PHLDA1: variants seen among roughly 807,000 people sequenced by gnomAD.
PHLDA1 encodes pleckstrin homology like domain family A member 1.
Under a neutral mutation model 33.8 loss-of-function variants are expected in PHLDA1, and 28 were observed. The ratio of observed to expected loss-of-function variants is 0.83; its 90% CI spans 0.61 to 1.14. The LOEUF is 1.14. Among genes scored for constraint, PHLDA1 ranks in the 50% most tolerant of loss-of-function variants. The pLI, the probability that PHLDA1 is intolerant of heterozygous loss-of-function variation, is 0.00. For synonymous variants in PHLDA1, 271 were observed against 243.6 expected, an observed-to-expected ratio of 1.11 and a Z score of -1.05; for missense variants, 595 against 548.6, an observed-to-expected ratio of 1.08 and a Z score of -0.84.
exon 2 of PHLDA1, chr12:76,029,705 TACTACGGATTAGGTTTTTGAA>T (rs1468294604): frequency 6.6e-6 from 1 of 152,646 alleles, no homozygotes; most frequent in Non-Finnish European, 1.5e-5. Context: ...GATTAGGAAT[TACTACGGATTAGGTTTTTGAA>T]AATAAAGTTT....
exon 2 of PHLDA1, chr12:76,029,119 A>C (rs1413891433): frequency 6.6e-6 from 1 of 152,234 alleles, no homozygotes; most frequent in Non-Finnish European, 1.5e-5. Context: ...AAGTAAAGGG[A>C]TCAGAAAATG....
exon 1 of PHLDA1, chr12:76,030,569 G>A (rs200454140): frequency 2.7e-5 from 43 of 1,613,958 alleles, no homozygotes; most frequent in Non-Finnish European, 2.6e-5. Context: ...GGAGAAGCCG[G>A]TGCCCGTGCG....
exon 2 of PHLDA1, chr12:76,027,530 G>C (rs994738974): frequency 2.0e-5 from 3 of 152,180 alleles, no homozygotes; most frequent in Non-Finnish European, 4.4e-5. Flanking sequence ...GGGAGGCCAA[G>C]GCAGGTGGAT....
chr12:76,030,165 G>A (rs1275751940), intron 1 of PHLDA1, 73 bp from the exon 2 acceptor site: 5 of 315,288 alleles, frequency 1.6e-5, no homozygotes, highest in Non-Finnish European at 3.0e-5. Context: ...GGGCCAGTCC[G>A]CCTGACAAAG....
At chr12:76,030,849 T>G (rs1234624732) in exon 1 of PHLDA1, 3 of 1,600,792 alleles carry the variant, frequency 1.9e-6, no homozygotes, top group Non-Finnish European at 2.6e-6. Context: ...GTGCTGCTGC[T>G]TCTGCCGCGT....
chr12:76,030,673 G>A, exon 1 of PHLDA1: 1 of 1,203,932 alleles, frequency 8.3e-7, no homozygotes, highest in Admixed American at 1.9e-5. Context: ...GAGTGTGGAT[G>A]TGGATGTGGA....
chr12:76,027,616 G>C (rs756031543), exon 2 of PHLDA1: 2 of 152,076 alleles, frequency 1.3e-5, no homozygotes, highest in Non-Finnish European at 2.9e-5. Context: ...ACAAAAATCA[G>C]CCGGGCGTGG....
At chr12:76,028,910 T>C (rs910661706) in exon 2 of PHLDA1, 2 of 152,632 alleles carry the variant, frequency 1.3e-5, no homozygotes, top group Admixed American at 6.5e-5. Context: ...AGTCTTTTCC[T>C]TTTCAATTTC....
At chr12:76,026,290 G>A (rs1345162611) in exon 2 of PHLDA1, 1 of 152,176 alleles carries the variant, frequency 6.6e-6, no homozygotes. Flanking sequence ...AATTGCTCCA[G>A]GTTCAAGTCT....
chr12:76,030,164 C>T (rs902722493), intron 1 of PHLDA1, 72 bp from the exon 2 acceptor site: 3 of 318,792 alleles, frequency 9.4e-6, no homozygotes, highest in Non-Finnish European at 1.2e-5. Flanking sequence ...CGGGCCAGTC[C>T]GCCTGACAAA....
exon 2 of PHLDA1, chr12:76,027,841 A>G (rs1432190027): frequency 6.6e-6 from 1 of 152,048 alleles, no homozygotes; most frequent in Non-Finnish European, 1.5e-5. Flanking sequence ...AGAAAAAGAA[A>G]TCCAGCCACC....
exon 2 of PHLDA1, chr12:76,029,286 G>A (rs142913083): frequency 2.0e-5 from 3 of 152,138 alleles, no homozygotes; most frequent in Non-Finnish European, 2.9e-5. Flanking sequence ...CAGTCAAAAG[G>A]CCTCTTCTCC....
rs528587645 is a variant in PHLDA1 at position 76,030,398 on chromosome 12, A to G, written c.*26+112T>C. 7 of 759,582 alleles carry G rather than the reference A, an allele frequency of 9.2e-6. No homozygotes were observed. In the East Asian group the frequency reaches 1.5e-4, roughly 16 times the overall value. 47.1% of individuals were successfully genotyped at this position (759,582 alleles called of 1,614,324 possible). On this transcript the variant is annotated intron_variant, in intron 1 of 1. Coordinates refer to ENST00000266671, the Ensembl canonical transcript of PHLDA1. The stretch of plus-strand genomic sequence containing the variant: ...TCTTCCATTGCCCCAGAAACTTGGT[A>G]TGAGTTTTGATTTCTCCATACAGGA...
chr12:76,031,496 G>A lies in PHLDA1; in HGVS notation c.246C>T (p.Asp82=). 2.0e-6 allele frequency: 3 copies of A among 1,522,290 alleles called. No homozygotes were observed. The highest frequency in any genetic ancestry group is 2.6e-6 in the Non-Finnish European group (3 of 1,137,588). 94.3% of individuals were successfully genotyped at this position (1,522,290 alleles called of 1,614,324 possible). A position where few individuals can be genotyped will look rare whatever the true frequency, so the allele number is the denominator to read the frequency against. The stretch of plus-strand genomic sequence containing the variant: ...GGCAGAGCGGCGGCGGCGGCTCTGG[G>A]TCCCGGCAGAGGGACAGCCGCGTCC... Residue 82 remains aspartate (D), a synonymous_variant, in exon 1 of 2, where the codon GAC becomes GAT. Transcript: ENST00000266671. This position sits in a 1 kb window ranked among gnomAD's most constrained non-coding sequence, Gnocchi z 5.4.
Position 76,030,628 on chromosome 12 carries a change from G to A in PHLDA1, c.1114C>T (p.Pro372Ser), listed in dbSNP as rs754317123. The change falls in exon 1 of 2, where the codon CCG (proline) becomes TCG (serine). Residue 372 changes from proline (P) to serine (S), a missense_variant. Physicochemically the swap from Pro to Ser is moderately conservative, Grantham distance 74. Around this residue, in one of 3 missense-constraint regions of PHLDA1, gnomAD observed 328 missense variants for 295.7 expected, o/e 1.11. Coordinates refer to ENST00000266671, the Ensembl canonical transcript of PHLDA1. ...GGGTGCGGTATTTGGTGCGGATGCG[G>A]GTGCGGGTGAGGGTGTGGGTGCGAG... The A allele has an allele frequency of 3.3e-6, 5 of 1,537,534 alleles. No individual in the cohort carries two copies. The Admixed American group carries it at 8.4e-5, about 26-fold the overall frequency.
At chr12:76,028,699 A>T (rs887455289) in exon 2 of PHLDA1, 3 of 152,612 alleles carry the variant, frequency 2.0e-5, no homozygotes, top group African/African-American at 7.2e-5. Context: ...CCCCAAGAGG[A>T]CTTTGTATCA....
In PHLDA1 at chr12:76,031,509, G is replaced by T; in HGVS notation, c.233C>A (p.Ser78Tyr). The T allele has an allele frequency of 4.6e-6, 7 of 1,523,002 alleles. No individual in the cohort carries two copies. Among genetic ancestry groups the T allele is most frequent in the Non-Finnish European group, 5.3e-6 (6 of 1,137,552 alleles). 94.3% of individuals were successfully genotyped at this position (1,523,002 alleles called of 1,614,324 possible). ...CGGCGGCTCTGGGTCCCGGCAGAGG[G>T]ACAGCCGCGTCCTGATGCGCCACAA... Residue 78 changes from serine to tyrosine, a missense_variant, in exon 1 of 2, where the codon TCC becomes TAC. Ser to Tyr is a moderately radical substitution (Grantham distance 144). Around this residue, in one of 3 missense-constraint regions of PHLDA1, gnomAD observed 263 missense variants for 232.3 expected, o/e 1.13. Transcript: ENST00000266671. This position sits in a 1 kb window ranked among gnomAD's most constrained non-coding sequence, Gnocchi z 5.4.
Position 76,031,022 on chromosome 12 carries a change from C to T in PHLDA1, c.720G>A (p.Val240=). 2.5e-6 allele frequency: 4 copies of T among 1,612,968 alleles called. No individual in the cohort carries two copies. Among genetic ancestry groups the T allele is most frequent in the Non-Finnish European group, 3.4e-6 (4 of 1,179,988 alleles). The change falls in exon 1 of 2, where the codon GTG becomes GTA. Residue 240 remains valine (V), a synonymous_variant. Coordinates refer to ENST00000266671, the Ensembl canonical transcript of PHLDA1. The surrounding 1 kb of genome is among the most constrained non-coding windows in gnomAD (Gnocchi z 5.4). ...ACTTGCCCTTGCGCTCCACACAGTC[C>T]ACGGTCTTCATGTTGGAGAAGTGCA...
At position 76,031,210 on chromosome 12, in the gene PHLDA1, C is replaced by G. The variant is rs771145178; in HGVS notation, c.532G>C (p.Gly178Arg). The change falls in exon 1 of 2, where the codon GGG becomes CGG. Residue 178 changes from glycine to arginine, a missense_variant. This residue lies in a region of PHLDA1 where 328 missense variants were observed against 295.7 expected (regional missense o/e 1.11). Coordinates refer to ENST00000266671, the Ensembl canonical transcript of PHLDA1. This position sits in a 1 kb window ranked among gnomAD's most constrained non-coding sequence, Gnocchi z 5.4. The stretch of plus-strand genomic sequence containing the variant: ...TGCTTGGGCGGGATAAGCAGCAGCC[C>G]TTCCTCGGTGAGGATGCAACACTTT... 1.9e-6 allele frequency: 3 copies of G among 1,613,532 alleles called. No homozygotes were observed. In the Admixed American group the frequency reaches 5.0e-5, roughly 27 times the overall value.
Sources: allele counts gnomAD v4.1 joint callset, GRCh38; gene constraint gnomAD v4.1.1; regional missense constraint gnomAD v4.1.1; non-coding constraint Gnocchi (gnomAD v3.1); transcripts MANE v1.5; gene names NCBI Gene and HGNC (gene_info 2026-07-23, HGNC 2026-07-21).